NOS2: variants seen among roughly 807,000 people sequenced by gnomAD.
NOS2 encodes the protein nitric oxide synthase 2.
NOS2 carries 96 observed loss-of-function variants against 136.0 expected under a neutral mutation model. That is an observed-to-expected ratio of 0.71 (90% CI 0.60 to 0.84). The LOEUF (loss-of-function observed/expected upper bound fraction) is 0.84. Ranked by LOEUF, NOS2 falls within the 40% of genes least tolerant of loss-of-function variation. The pLI is 0.00. For synonymous variants in NOS2, 539 were observed against 587.5 expected, an observed-to-expected ratio of 0.92 and a Z score of 1.20; for missense variants, 1,237 against 1,496.9, an observed-to-expected ratio of 0.83 and a Z score of 2.87.
chr17:27,785,439 C>A (rs1253798137), intron 5 of NOS2, among the ~76,000 whole-genome samples: 1 of 152,154 alleles, frequency 6.6e-6, no homozygotes, highest in East Asian at 1.9e-4. Context: ...CCAGGCTGTG[C>A]ATTAGAATCA....
At chr17:27,771,067 C>T (rs762739885) in intron 14 of NOS2, 50 bp from the exon 15 acceptor site, 5 of 1,377,790 alleles carry the variant, frequency 3.6e-6, no homozygotes, top group African/African-American at 1.4e-5. Flanking sequence ...GTAGGGCCCT[C>T]CCTACCCTGC....
intron 2 of NOS2, 87 bp downstream of exon 2, chr17:27,798,613 G>T (rs1032967984): frequency 1.2e-6 from 1 of 801,590 alleles, no homozygotes; most frequent in Non-Finnish European, 2.2e-6. Flanking sequence ...GAGAGGAGGA[G>T]CAGAGAGAGG....
In NOS2 at chr17:27,766,589, C is replaced by CT. The variant is rs769475300; in HGVS notation, c.2168-2dup. ...TTCTTGGCATGCATGCTGCTGAGGG[C>CT]TGTGGAGGACACAGAGACGGTGAAA... On this transcript the variant is annotated splice_acceptor_variant, in intron 18 of 26. Coordinates refer to ENST00000313735, the MANE Select transcript of NOS2 (RefSeq NM_000625.4). LOFTEE classifies it high-confidence loss of function. 1 of 1,613,650 alleles carries CT rather than the reference C, an allele frequency of 6.2e-7. No homozygotes were observed. Among genetic ancestry groups the CT allele is most frequent in the Non-Finnish European group, 8.5e-7 (1 of 1,179,610 alleles).
rs1567645277 is a variant in NOS2 at position 27,798,948 on chromosome 17, G to A, written c.-73-66C>T. On this transcript the variant is annotated intron_variant, in intron 1 of 26. Coordinates refer to ENST00000313735, the MANE Select transcript of NOS2 (RefSeq NM_000625.4). ...GTTTACAGAACAGGGCTTCTCAGTG[G>A]GGTTGGCTCACTGGGGAATCGATAT... The A allele has an allele frequency of 1.1e-4, 67 of 634,916 alleles. 6 individuals carry two copies. The South Asian group carries it at 1.3e-3, about 12-fold the overall frequency. The allele number at this position is 634,916 out of a possible 1,614,324, so 39.3% of individuals were successfully genotyped here.
chr17:27,771,782 T>G (rs928312306), intron 14 of NOS2, among the ~76,000 whole-genome samples: 5 of 152,254 alleles, frequency 3.3e-5, no homozygotes, highest in African/African-American at 9.6e-5. Context: ...GTGGGGTGTA[T>G]GCTGGAGAGC....
chr17:27,764,394 C>T (rs750025180), intron 20 of NOS2, among the ~76,000 whole-genome samples: 6 of 152,244 alleles, frequency 3.9e-5, no homozygotes, highest in Admixed American at 1.3e-4. Context: ...CCACGTCCTT[C>T]TCTGGCCCAG....
At chr17:27,791,389 C>T (rs905125443) in intron 2 of NOS2, among the ~76,000 whole-genome samples, 2 of 152,200 alleles carry the variant, frequency 1.3e-5, no homozygotes, top group Non-Finnish European at 2.9e-5. Flanking sequence ...AACCCTCCAT[C>T]CTTGATAGCT....
chr17:27,797,559 C>T (rs1337702891), intron 2 of NOS2, among the ~76,000 whole-genome samples: 1 of 152,248 alleles, frequency 6.6e-6, no homozygotes, highest in Non-Finnish European at 1.5e-5. Context: ...CTGACAGATA[C>T]ACTCAGGGCC....
intron 5 of NOS2, 140 bp downstream of exon 5, chr17:27,787,538 T>G: frequency 1.4e-6 from 1 of 699,198 alleles, no homozygotes; most frequent in Non-Finnish European, 2.4e-6. Context: ...ACCGTGATTT[T>G]CGCTCTGCAA....
intron 17 of NOS2, among the ~76,000 whole-genome samples, chr17:27,768,185 G>C (rs1908372459): frequency 6.6e-6 from 1 of 152,080 alleles, no homozygotes; most frequent in African/African-American, 2.4e-5. Context: ...ACCTGTAGCT[G>C]AGACTACAGG....
At position 27,762,809 on chromosome 17, in the gene NOS2, T is replaced by A. The variant is rs1191072602; in HGVS notation, c.2789A>T (p.Tyr930Phe). ...EIHLTVAVVT[Y>F]HTRDGQGPLH... is the part of the protein sequence containing the mutation. The stretch of plus-strand genomic sequence containing the variant: ...TGCCCCTGGCTCACCTCGGGTGTGG[T>A]AGGTGACCACGGCCACAGTCAGGTG... Residue 930 changes from tyrosine (Y) to phenylalanine (F), a missense_variant, in exon 22 of 27, where the codon TAC becomes TTC. By Grantham distance (22) the Tyr-to-Phe change is conservative. Coordinates refer to ENST00000313735, the MANE Select transcript of NOS2 (RefSeq NM_000625.4). 6.5e-7 allele frequency: 1 copy of A among 1,550,196 alleles called. No homozygotes were observed. The highest frequency in any genetic ancestry group is 1.4e-5 in the African/African-American group (1 of 73,218).
At position 27,765,679 on chromosome 17, in the gene NOS2, C is replaced by T. The variant is rs866932605; in HGVS notation, c.2284G>A (p.Gly762Ser). 1 of 1,612,992 alleles carries T rather than the reference C, an allele frequency of 6.2e-7. No homozygotes were observed. The highest frequency in any genetic ancestry group is 1.3e-5 in the African/African-American group (1 of 75,068). ...CCCGGCAGGTAGTTCAGGCCTTGGC[C>T]ATCCTCACAGGAGAGTTCCACCAGG... is the stretch of plus-strand genomic sequence containing the variant. ...TILVELSCED[G>S]QGLNYLPGEH... Residue 762 changes from glycine (G) to serine (S), a missense_variant, in exon 20 of 27, where the codon GGC becomes AGC. Coordinates refer to ENST00000313735, the MANE Select transcript of NOS2 (RefSeq NM_000625.4).
At chr17:27,797,619 A>G (rs1278061368) in intron 2 of NOS2, among the ~76,000 whole-genome samples, 1 of 152,210 alleles carries the variant, frequency 6.6e-6, no homozygotes, top group East Asian at 1.9e-4. Flanking sequence ...AGTCCATGGG[A>G]AAGGCTCCTC....
chr17:27,766,406 T>C, intron 19 of NOS2, 104 bp downstream of exon 19: 1 of 1,050,636 alleles, frequency 9.5e-7, no homozygotes, highest in Non-Finnish European at 1.5e-6. Flanking sequence ...AATGCCAGCA[T>C]ATGCTCTTCT....
chr17:27,799,111 C>G (rs1384033159), intron 1 of NOS2, among the ~76,000 whole-genome samples: 1 of 151,986 alleles, frequency 6.6e-6, no homozygotes, highest in Non-Finnish European at 1.5e-5. Flanking sequence ...TGAACCCCCC[C>G]ATCCCCATCG....
At chr17:27,786,831 A>G (rs1909038079) in intron 5 of NOS2, among the ~76,000 whole-genome samples, 1 of 152,204 alleles carries the variant, frequency 6.6e-6, no homozygotes, top group African/African-American at 2.4e-5. Context: ...GAAGGCCACA[A>G]TGCTATACAA....
chr17:27,795,403 A>G (rs1909325391), intron 2 of NOS2, among the ~76,000 whole-genome samples: 1 of 152,202 alleles, frequency 6.6e-6, no homozygotes, highest in Non-Finnish European at 1.5e-5. Flanking sequence ...AGTACTAAGG[A>G]CCTTATAAAT....
chr17:27,782,335 G>C (rs966635064), intron 6 of NOS2, among the ~76,000 whole-genome samples: 1 of 152,076 alleles, frequency 6.6e-6, no homozygotes, highest in Non-Finnish European at 1.5e-5. Context: ...TGCCCTCTAG[G>C]GGAGCACAGG....
At chr17:27,790,279 A>C (rs1336620931) in intron 2 of NOS2, among the ~76,000 whole-genome samples, 3 of 152,146 alleles carry the variant, frequency 2.0e-5, no homozygotes, top group Non-Finnish European at 4.4e-5. Flanking sequence ...TTTTTGGTAG[A>C]GATGGGGTTT....
Sources: allele counts gnomAD v4.1 joint callset (sites outside exome capture counted in the v4.1 genomes callset), GRCh38; gene constraint gnomAD v4.1.1; transcripts MANE v1.5; gene names NCBI Gene and HGNC (gene_info 2026-07-23, HGNC 2026-07-21).